Variants in RALGPS2 observed in about 807,000 individuals in gnomAD.
RALGPS2 encodes Ral GEF with PH domain and SH3 binding motif 2.
In RALGPS2, 43 loss-of-function variants were observed where a neutral mutation model predicts 86.8. The ratio of observed to expected loss-of-function variants is 0.50; its 90% confidence interval spans 0.39 to 0.64. The LOEUF (loss-of-function observed/expected upper bound fraction) is 0.64. Ranked by LOEUF, RALGPS2 falls within the 30% of genes least tolerant of loss-of-function variation. The pLI, the probability that RALGPS2 is intolerant of heterozygous loss-of-function variation, is 0.00. For missense variants in RALGPS2, 536 were observed against 694.6 expected (o/e 0.77, Z 2.57); for synonymous variants, 243 against 231.3 (o/e 1.05, Z -0.46).
intron 1 of RALGPS2, among the ~76,000 whole-genome samples, chr1:178,727,510 T>C (rs1650093542): frequency 6.6e-6 from 1 of 152,242 alleles, no homozygotes; most frequent in Non-Finnish European, 1.5e-5. Flanking sequence ...AACGTGCTTT[T>C]CTAATATTTA....
Position 178,886,007 on chromosome 1 carries a change from C to CT in RALGPS2, c.1079_1080insT (p.Thr361AsnfsTer13), listed in dbSNP as rs1345101906. On this transcript the variant is annotated frameshift_variant, in exon 13 of 20. Coordinates refer to ENST00000367635, the MANE Select transcript of RALGPS2 (RefSeq NM_152663.5). LOFTEE classifies it high-confidence loss of function. ...ATGAACACAGCAGAATTTAAGAGTG[C>CT]AACGTTTCCAAATGCAGGACCAAGA... is the stretch of plus-strand genomic sequence containing the variant. 6 of 1,611,138 alleles carry CT rather than the reference C, an allele frequency of 3.7e-6. No individual in the cohort carries two copies. Among genetic ancestry groups the CT allele is most frequent in the South Asian group, 1.1e-5 (1 of 90,314 alleles).
At chr1:178,863,566 G>A (rs1043642230) in intron 8 of RALGPS2, among the ~76,000 whole-genome samples, 2 of 152,188 alleles carry the variant, frequency 1.3e-5, no homozygotes, top group African/African-American at 4.8e-5. Flanking sequence ...CTGAAAGAAG[G>A]TGTTTCAGTA....
intron 19 of RALGPS2, among the ~76,000 whole-genome samples, chr1:178,910,231 T>C (rs1416207246): frequency 6.6e-6 from 1 of 152,190 alleles, no homozygotes; most frequent in African/African-American, 2.4e-5. Flanking sequence ...TTCCTCTTTC[T>C]ATTTGAATGC....
At chr1:178,813,184 C>T (rs1484011744) in intron 6 of RALGPS2, among the ~76,000 whole-genome samples, 2 of 152,092 alleles carry the variant, frequency 1.3e-5, no homozygotes, top group African/African-American at 4.8e-5. Flanking sequence ...TCTCCCACCT[C>T]GGCCTCCCAA....
intron 13 of RALGPS2, among the ~76,000 whole-genome samples, 166 bp downstream of exon 13, chr1:178,886,286 T>G (rs561193418): frequency 2.3e-4 from 35 of 152,224 alleles, no homozygotes; most frequent in Non-Finnish European, 4.3e-4. Context: ...GTTTTAAAAG[T>G]GCTTGCTGTT....
At chr1:178,731,087 C>T (rs753497103) in intron 1 of RALGPS2, among the ~76,000 whole-genome samples, 2 of 152,026 alleles carry the variant, frequency 1.3e-5, no homozygotes, top group Non-Finnish European at 2.9e-5. Flanking sequence ...TGGTGAAATG[C>T]ATCCTTTGGT....
chr1:178,761,099 C>T (rs772545015), intron 1 of RALGPS2, among the ~76,000 whole-genome samples: 2 of 151,942 alleles, frequency 1.3e-5, no homozygotes, highest in African/African-American at 2.4e-5. Context: ...CTCAGCCTCC[C>T]AGGTAGCTGA....
intron 19 of RALGPS2, 127 bp from the exon 20 acceptor site, chr1:178,916,203 A>G (rs1370961789): frequency 4.3e-6 from 3 of 701,142 alleles, no homozygotes; most frequent in Admixed American, 5.7e-5. Context: ...GAAGCTCCTT[A>G]TATCAAGTTC....
intron 8 of RALGPS2, chr1:178,851,245 A>G (rs761302551): frequency 6.2e-7 from 1 of 1,613,884 alleles, no homozygotes; most frequent in Non-Finnish European, 8.5e-7. Flanking sequence ...CCTCTGTACC[A>G]TACTCCATTT....
chr1:178,796,645 G>C (rs576959873), intron 4 of RALGPS2, among the ~76,000 whole-genome samples: 2 of 152,022 alleles, frequency 1.3e-5, no homozygotes, highest in East Asian at 3.9e-4. Context: ...ATCACCCTTA[G>C]AACATTCCTT....
chr1:178,823,349 G>A (rs2102228721), intron 7 of RALGPS2, among the ~76,000 whole-genome samples: 1 of 152,268 alleles, frequency 6.6e-6, no homozygotes, highest in East Asian at 1.9e-4. Flanking sequence ...ACATTTAATA[G>A]TGAATGATCT....
chr1:178,841,079 T>G (rs1426688045), intron 8 of RALGPS2, among the ~76,000 whole-genome samples: 1 of 151,668 alleles, frequency 6.6e-6, no homozygotes, highest in Admixed American at 6.6e-5. Context: ...GTACAAGGAG[T>G]TGCTGGTACC....
intron 8 of RALGPS2, chr1:178,851,344 G>T: frequency 6.3e-7 from 1 of 1,582,536 alleles, no homozygotes. Context: ...AGATATAAAT[G>T]TAAAAGTTTC....
chr1:178,803,211 CAG>C (rs1398290316), intron 4 of RALGPS2, among the ~76,000 whole-genome samples: 1 of 152,000 alleles, frequency 6.6e-6, no homozygotes, highest in Non-Finnish European at 1.5e-5. Flanking sequence ...TCAGAAATGT[CAG>C]AAGAGGTGCA....
At chr1:178,916,072 AG>A (rs1660800593) in intron 19 of RALGPS2, among the ~76,000 whole-genome samples, 1 of 152,202 alleles carries the variant, frequency 6.6e-6, no homozygotes, top group South Asian at 2.1e-4. Flanking sequence ...GTGTTAGACA[AG>A]AAAGATATTG....
intron 6 of RALGPS2, among the ~76,000 whole-genome samples, chr1:178,812,251 G>A (rs1405362003): frequency 6.6e-6 from 1 of 152,204 alleles, no homozygotes; most frequent in Admixed American, 6.5e-5. Context: ...AATGAGCCCA[G>A]AGAACGAAGT....
At chr1:178,819,874 C>T (rs1655414935) in intron 6 of RALGPS2, among the ~76,000 whole-genome samples, 1 of 152,056 alleles carries the variant, frequency 6.6e-6, no homozygotes, top group Non-Finnish European at 1.5e-5. Context: ...GAACTGATTC[C>T]CTTCCTGTAT....
chr1:178,868,137 CT>C (rs1658534757), intron 8 of RALGPS2, among the ~76,000 whole-genome samples: 3 of 151,664 alleles, frequency 2.0e-5, no homozygotes, highest in Non-Finnish European at 4.4e-5. Context: ...GTTTTCATAC[CT>C]TGCTTTCTGA....
chr1:178,758,804 T>C (rs1246059024), intron 1 of RALGPS2, among the ~76,000 whole-genome samples: 1 of 152,190 alleles, frequency 6.6e-6, no homozygotes, highest in Admixed American at 6.5e-5. Context: ...CGTTCATCTG[T>C]TGATGGACAC....
Sources: allele counts gnomAD v4.1 joint callset (sites outside exome capture counted in the v4.1 genomes callset), GRCh38; gene constraint gnomAD v4.1.1; transcripts MANE v1.5; gene names NCBI Gene and HGNC (gene_info 2026-07-23, HGNC 2026-07-21).